The following KCNIP4 variants were observed in gnomAD, a reference collection of about 807,000 sequenced individuals.
KCNIP4 encodes potassium voltage-gated channel interacting protein 4.
KCNIP4 carries 12 observed loss-of-function variants against 34.0 expected under a neutral mutation model. That is an observed-to-expected ratio of 0.35 (90% CI 0.23 to 0.57). The LOEUF (loss-of-function observed/expected upper bound fraction) is 0.57, where lower values mean the gene tolerates loss of function less well. Among genes scored for constraint, KCNIP4 ranks in the 20% least tolerant of loss-of-function variants. KCNIP4 has a pLI of 0.83. For missense variants in KCNIP4, 238 were observed against 311.7 expected (o/e 0.76, Z 1.78); for synonymous variants, 124 against 102.2 (o/e 1.21, Z -1.29).
At chr4:21,129,738 TAGAC>T (rs752949371) in intron 1 of KCNIP4, among the ~76,000 whole-genome samples, 12 of 152,254 alleles carry the variant, frequency 7.9e-5, no homozygotes, top group South Asian at 2.1e-4. Flanking sequence ...ATAATATAGA[TAGAC>T]AGAAAACTTG....
Position 21,948,636 on chromosome 4 carries a change from A to G in KCNIP4, c.-5T>C, listed in dbSNP as rs6448102. ...TTCCACCCTCCTCACATTCATGTCT[A>G]GGGACGCAGGGTGCAGAAGCGAGAC... On this transcript the variant is annotated 5_prime_UTR_variant, in exon 1 of 9. Transcript: ENST00000382152. The G allele has an allele frequency of 1, 1,612,368 of 1,612,458 alleles. 806,139 individuals are homozygous for G. Among genetic ancestry groups the G allele is most frequent in the Middle Eastern group, 1 (6,056 of 6,056 alleles).
chr4:21,532,236 T>A (rs771434851), intron 1 of KCNIP4, among the ~76,000 whole-genome samples: 12 of 152,100 alleles, frequency 7.9e-5, no homozygotes, highest in Non-Finnish European at 1.8e-4. Flanking sequence ...ATATGTGGGG[T>A]TCTTCTGAGG....
In KCNIP4 at chr4:21,509,364, C is replaced by T. The variant is rs183802329; in HGVS notation, c.61+439207G>A. On this transcript the variant is annotated intron_variant, in intron 1 of 8. Transcript: ENST00000382152. ...GATTAAGTTACTCCTCACTGTCATA[C>T]ATCCATTATAATATAAACCTCCTGC... is the stretch of plus-strand genomic sequence containing the variant. Among the ~76,000 whole-genome samples, 576 of 152,242 alleles carry T rather than the reference C, an allele frequency of 3.8e-3. 5 individuals carry two copies. Among genetic ancestry groups the T allele is most frequent in the Non-Finnish European group, 6.1e-3 (416 of 68,014 alleles).
chr4:21,661,520 C>T lies in KCNIP4; in HGVS notation c.61+287051G>A, dbSNP rs540131556. On this transcript the variant is annotated intron_variant, in intron 1 of 8. Transcript: ENST00000382152. Reference sequence around the variant, plus strand: ...ATAAGGGGTTTGAGCATGCCACATCCACGTCACAAGTCCCACAAGGGGGTC... The same window carrying T: ...ATAAGGGGTTTGAGCATGCCACATCTACGTCACAAGTCCCACAAGGGGGTC... Among the ~76,000 whole-genome samples, 3 of 152,302 alleles carry T rather than the reference C, an allele frequency of 2.0e-5. No homozygotes were observed. In the South Asian group the frequency reaches 6.2e-4, roughly 32 times the overall value.
intron 1 of KCNIP4, among the ~76,000 whole-genome samples, chr4:21,721,254 T>C (rs550401040): frequency 2.0e-5 from 3 of 152,200 alleles, no homozygotes; most frequent in Non-Finnish European, 2.9e-5. Flanking sequence ...CTTTAATGGC[T>C]GTGTAATAAT....
intron 1 of KCNIP4, among the ~76,000 whole-genome samples, chr4:21,592,304 A>C (rs1742282102): frequency 6.6e-6 from 1 of 152,124 alleles, no homozygotes; most frequent in Non-Finnish European, 1.5e-5. Flanking sequence ...TGGATCATGG[A>C]TGTCTCATTT....
chr4:21,310,654 C>A (rs892363033), intron 1 of KCNIP4, among the ~76,000 whole-genome samples: 1 of 151,654 alleles, frequency 6.6e-6, no homozygotes, highest in African/African-American at 2.4e-5. Flanking sequence ...TTTTTTGAGA[C>A]GGAATCTCAC....
rs533312643 is a variant in KCNIP4, at chr4:21,430,503, A to G, written c.61+518068T>C. Among the ~76,000 whole-genome samples the G allele has an allele frequency of 3.3e-5, 5 of 152,162 alleles. No individual in the cohort carries two copies. The South Asian group carries it at 8.3e-4, about 25-fold the overall frequency. On this transcript the variant is annotated intron_variant, in intron 1 of 8. Coordinates refer to ENST00000382152, the MANE Select transcript of KCNIP4 (RefSeq NM_025221.6). ...TACAGCCATACTTATGACAGTGAAG[A>G]ATCCTCAATTACATCAACCTGCCCC...
At chr4:20,871,808 A>G (rs756133294) in intron 2 of KCNIP4, among the ~76,000 whole-genome samples, 1 of 152,124 alleles carries the variant, frequency 6.6e-6, no homozygotes, top group Non-Finnish European at 1.5e-5. Context: ...CATGGCATCC[A>G]AATAATGATG....
In KCNIP4 at chr4:20,758,878, C is replaced by T; in HGVS notation, c.301G>A (p.Gly101Ser). 1 of 1,612,860 alleles carries T rather than the reference C, an allele frequency of 6.2e-7. No individual in the cohort carries two copies. The highest frequency in any genetic ancestry group is 8.5e-7 in the Non-Finnish European group (1 of 1,179,256). Residue 101 changes from glycine (G) to serine (S), a missense_variant, in exon 4 of 9, where the codon GGT becomes AGT. By Grantham distance (56) the Gly-to-Ser change is moderately conservative (BLOSUM62 0). Coordinates refer to ENST00000382152, the MANE Select transcript of KCNIP4 (RefSeq NM_025221.6). ...YRGFKNECPS[G>S]VVNEETFKEI... ...TTGAAGGTTTCTTCATTAACAACAC[C>T]ACTGGGGCATTCCTAGGGAAAGTGG...
intron 1 of KCNIP4, among the ~76,000 whole-genome samples, chr4:21,932,879 G>GAA (rs57384142): frequency 2.0e-5 from 3 of 151,540 alleles, no homozygotes; most frequent in Non-Finnish European, 4.4e-5. Flanking sequence ...TATAATCTAT[G>GAA]AAAAAATCTA....
intron 1 of KCNIP4, among the ~76,000 whole-genome samples, chr4:21,150,962 C>T (rs1752709955): frequency 6.6e-6 from 1 of 152,152 alleles, no homozygotes; most frequent in Non-Finnish European, 1.5e-5. Flanking sequence ...TCTTTCAACC[C>T]ATTTTGTATC....
At chr4:21,218,149 G>A (rs538957739) in intron 1 of KCNIP4, among the ~76,000 whole-genome samples, 35 of 151,934 alleles carry the variant, frequency 2.3e-4, no homozygotes, top group Non-Finnish European at 4.0e-4. Flanking sequence ...CCGAGTAGCT[G>A]GAATTACAGG....
intron 1 of KCNIP4, among the ~76,000 whole-genome samples, chr4:21,446,447 A>G (rs1391452710): frequency 1.3e-5 from 2 of 152,046 alleles, no homozygotes; most frequent in African/African-American, 2.4e-5. Flanking sequence ...TGCAGCCATA[A>G]AAAAGGAATG....
At chr4:21,573,217 C>T (rs982839245) in intron 1 of KCNIP4, among the ~76,000 whole-genome samples, 1 of 152,050 alleles carries the variant, frequency 6.6e-6, no homozygotes, top group Admixed American at 6.6e-5. Context: ...TGAGTATCTC[C>T]AATATGTCAG....
chr4:20,831,316 A>G (rs1264021047), intron 3 of KCNIP4, among the ~76,000 whole-genome samples: 2 of 152,184 alleles, frequency 1.3e-5, no homozygotes, highest in Non-Finnish European at 2.9e-5. Flanking sequence ...GGTAAAACTC[A>G]GTGTCAGAGC....
chr4:21,613,812 C>T (rs1487443373), intron 1 of KCNIP4: 1 of 151,900 alleles, frequency 6.6e-6, no homozygotes, highest in African/African-American at 2.4e-5. Flanking sequence ...TCTTCTATTC[C>T]TCAATGGATC....
intron 1 of KCNIP4, among the ~76,000 whole-genome samples, chr4:21,444,653 C>A (rs528180716): frequency 6.6e-6 from 1 of 152,066 alleles, no homozygotes; most frequent in African/African-American, 2.4e-5. Context: ...TTTATGATAA[C>A]CCCATAGCCA....
At chr4:21,630,017 A>AT (rs34714303) in intron 1 of KCNIP4, among the ~76,000 whole-genome samples, 1,927 of 120,174 alleles carry the variant, frequency 0.016, 17 homozygotes, top group East Asian at 0.057. Context: ...CAGCTGGCTA[A>AT]TTTTTTTTTT....
Sources: allele counts gnomAD v4.1 joint callset (sites outside exome capture counted in the v4.1 genomes callset), GRCh38; gene constraint gnomAD v4.1.1; transcripts MANE v1.5; gene names NCBI Gene and HGNC (gene_info 2026-07-23, HGNC 2026-07-21).